Variants in CEL observed in about 807,000 individuals in gnomAD.
CEL encodes carboxyl ester lipase, also known as bile salt-activated lipase.
Under a neutral mutation model 57.1 loss-of-function variants are expected in CEL, and 39 were observed. The ratio of observed to expected loss-of-function variants is 0.68; its 90% CI spans 0.53 to 0.89. The LOEUF is 0.89. CEL is among the 40% of genes least tolerant of loss of function. The pLI is 0.00. For missense variants in CEL, 698 were observed against 915.0 expected (o/e 0.76, Z 3.06); for synonymous variants, 314 against 396.6 (o/e 0.79, Z 2.48).
chr9:133,071,789 AGGCCACAAGAGTGGGACCCCAGG>A lies in CEL; in HGVS notation c.*29_*51del, dbSNP rs770939818. On this transcript the variant is annotated 3_prime_UTR_variant, in exon 11 of 11. Coordinates refer to ENST00000372080, the MANE Select transcript of CEL (RefSeq NM_001807.6). ...GCGTCCCATGAGCCTTGGTATCAAG[AGGCCACAAGAGTGGGACCCCAGG>A]GGCTCCCCTCCCATCTTGAGCTCTT... The A allele has an allele frequency of 1.6e-5, 25 of 1,606,694 alleles. No homozygotes were observed. The African/African-American group carries it at 2.5e-4, about 16-fold the overall frequency.
At chr9:133,067,038 A>G in intron 6 of CEL, 50 bp from the exon 7 acceptor site, 4 of 1,610,190 alleles carry the variant, frequency 2.5e-6, no homozygotes, top group Non-Finnish European at 2.5e-6. Context: ...AATGGTTCTG[A>G]GCCCTGAGCT....
chr9:133,064,084 G>A (rs1830135990), intron 1 of CEL, among the ~76,000 whole-genome samples: 1 of 152,214 alleles, frequency 6.6e-6, no homozygotes, highest in South Asian at 2.1e-4. Flanking sequence ...CTGAGGATCG[G>A]AGTCAAAGCT....
In CEL at chr9:133,071,191, A is replaced by C; in HGVS notation, c.1689A>C (p.Thr563=). Residue 563 remains threonine, a synonymous_variant, in exon 11 of 11, where the codon ACA becomes ACC. Coordinates refer to ENST00000372080, the MANE Select transcript of CEL (RefSeq NM_001807.6). ...TDQEATPVPP[T]GDSEATPVPP... ...AGGAGGCCACCCCTGTGCCCCCCACAGGGGACTCCGAGGCCACTCCCGTGC... is the reference window on the plus strand; with the variant it reads ...AGGAGGCCACCCCTGTGCCCCCCACCGGGGACTCCGAGGCCACTCCCGTGC... The C allele has an allele frequency of 1.2e-6, 2 of 1,601,486 alleles. No individual in the cohort carries two copies. The highest frequency in any genetic ancestry group is 8.5e-7 in the Non-Finnish European group (1 of 1,176,840).
Position 133,065,157 on chromosome 9 carries a change from G to A in CEL, c.458G>A (p.Arg153His), listed in dbSNP as rs765232449. Residue 153 changes from arginine to histidine, a missense_variant, in exon 4 of 11, where the codon CGC becomes CAC. Around this residue, in one of 6 missense-constraint regions of CEL, gnomAD observed 327 missense variants for 374.1 expected, o/e 0.87. Coordinates refer to ENST00000372080, the MANE Select transcript of CEL (RefSeq NM_001807.6). ...TATGACGGCGAGGAGATCGCCACAC[G>A]CGGAAACGTCATCGTGGTCACCTTC... Reference protein sequence around the residue: ...YLYDGEEIATRGNVIVVTFNY... With the variant: ...YLYDGEEIATHGNVIVVTFNY... 22 of 1,613,810 alleles carry A rather than the reference G, an allele frequency of 1.4e-5. No individual in the cohort carries two copies. Among genetic ancestry groups the A allele is most frequent in the South Asian group, 7.7e-5 (7 of 91,094 alleles).
chr9:133,066,409 G>A lies in CEL; in HGVS notation c.539-121G>A. ...TAGGGACCCACCATTTGCCAACTGG[G>A]GCTCTGCCATGGCCCCAACTCTGTT... is the stretch of plus-strand genomic sequence containing the variant. On this transcript the variant is annotated intron_variant, in intron 4 of 10. Coordinates refer to ENST00000372080, the MANE Select transcript of CEL (RefSeq NM_001807.6). The surrounding 1 kb of genome is among the most constrained non-coding windows in gnomAD (Gnocchi z 4.3). 1 of 1,302,326 alleles carries A rather than the reference G, an allele frequency of 7.7e-7. No individual in the cohort carries two copies. Among genetic ancestry groups the A allele is most frequent in the Non-Finnish European group, 1.1e-6 (1 of 921,436 alleles). The allele number at this position is 1,302,326 out of a possible 1,614,324, so 80.7% of individuals were successfully genotyped here.
At position 133,070,539 on chromosome 9, in the gene CEL, T is replaced by C. The variant is rs746560810; in HGVS notation, c.1365T>C (p.His455=). 5 of 1,614,084 alleles carry C rather than the reference T, an allele frequency of 3.1e-6. No homozygotes were observed. Among genetic ancestry groups the C allele is most frequent in the Middle Eastern group, 1.6e-4 (1 of 6,062 alleles). Residue 455 remains histidine, a synonymous_variant, in exon 10 of 11, where the codon CAT becomes CAC. Transcript: ENST00000372080. ...ACCCCAAATGGGTGGGGGCCGACCA[T>C]GCAGATGACATTCAGTACGTTTTCG... ...PVYPKWVGAD[H]ADDIQYVFGK...
rs1490842262 is a variant in CEL at position 133,064,254 on chromosome 9, A to G, written c.67-150A>G. 1.8e-5 allele frequency: 17 copies of G among 950,352 alleles called. 1 individual carries two copies. Among genetic ancestry groups the G allele is most frequent in the Non-Finnish European group, 2.6e-5 (16 of 619,858 alleles). The allele number at this position is 950,352 out of a possible 1,614,324, so 58.9% of individuals were successfully genotyped here. Reference sequence around the variant, plus strand: ...CCTAAAGCCCTGAGCATTGCAGGGCAGGGGGTGCTGCCTGGGTCTCCTGTG... The same window carrying G: ...CCTAAAGCCCTGAGCATTGCAGGGCGGGGGGTGCTGCCTGGGTCTCCTGTG... On this transcript the variant is annotated intron_variant, in intron 1 of 10. Transcript: ENST00000372080.
At chr9:133,067,669 G>A (rs1292890587) in intron 7 of CEL, among the ~76,000 whole-genome samples, 4 of 152,038 alleles carry the variant, frequency 2.6e-5, no homozygotes, top group Admixed American at 6.5e-5. Context: ...CACTGTGCCC[G>A]GCCCCTTCTT....
intron 3 of CEL, 29 bp from the exon 4 acceptor site, chr9:133,065,011 T>A (rs767902862): frequency 8.1e-6 from 13 of 1,600,966 alleles, no homozygotes; most frequent in Non-Finnish European, 9.4e-6. Flanking sequence ...GCGGGGCGTC[T>A]GGGGTCACCA....
rs1347023184 is a variant in CEL, at chr9:133,071,271, C to G, written c.1769C>G (p.Ala590Gly). 1.4e-6 allele frequency: 2 copies of G among 1,475,072 alleles called. No individual in the cohort carries two copies. Among genetic ancestry groups the G allele is most frequent in the South Asian group, 1.2e-5 (1 of 82,376 alleles). 91.4% of individuals were successfully genotyped at this position (1,475,072 alleles called of 1,614,324 possible). Residue 590 changes from alanine to glycine, a missense_variant, in exon 11 of 11, where the codon GCC becomes GGC. Physicochemically the swap from Ala to Gly is moderately conservative, Grantham distance 60. This residue lies in a region of CEL where 238 missense variants were observed against 213.7 expected (regional missense o/e 1.11). Transcript: ENST00000372080. Reference protein sequence around the residue: ...APVPPTGDSGAPPVPPTGDSG... With the variant: ...APVPPTGDSGGPPVPPTGDSG... The stretch of plus-strand genomic sequence containing the variant: ...GTGCCGCCCACGGGTGACTCCGGGG[C>G]CCCCCCCGTGCCGCCCACGGGTGAC...
chr9:133,070,364 C>G, intron 9 of CEL, 97 bp from the exon 10 acceptor site: 1 of 1,004,160 alleles, frequency 1.0e-6, no homozygotes, highest in Non-Finnish European at 1.5e-6. Context: ...CCAGACACTT[C>G]CCTGCCCACT....
chr9:133,064,058 C>T (rs1446447423), intron 1 of CEL, among the ~76,000 whole-genome samples: 4 of 152,332 alleles, frequency 2.6e-5, no homozygotes, highest in Middle Eastern at 6.8e-3. Context: ...TGTTGCTCGT[C>T]TTCCACATGG....
Position 133,071,800 on chromosome 9 carries a change from G to A in CEL, c.*36G>A, listed in dbSNP as rs1218482976. 3 of 1,593,576 alleles carry A rather than the reference G, an allele frequency of 1.9e-6. No homozygotes were observed. Among genetic ancestry groups the A allele is most frequent in the Middle Eastern group, 1.7e-4 (1 of 6,024 alleles). ...GCCTTGGTATCAAGAGGCCACAAGAGTGGGACCCCAGGGGCTCCCCTCCCA... is the reference window on the plus strand; with the variant it reads ...GCCTTGGTATCAAGAGGCCACAAGAATGGGACCCCAGGGGCTCCCCTCCCA... On this transcript the variant is annotated 3_prime_UTR_variant, in exon 11 of 11. Transcript: ENST00000372080.
At position 133,070,947 on chromosome 9, in the gene CEL, G is replaced by C. The variant is rs771070056; in HGVS notation, c.1485-40G>C. On this transcript the variant is annotated intron_variant, in intron 10 of 10. Transcript: ENST00000372080. ...TGGAGAGCAGGGCTTCAGCCCCCTGGGAGTCCCCAGCCCCTGCACAGCCTC... is the reference window on the plus strand; with the variant it reads ...TGGAGAGCAGGGCTTCAGCCCCCTGCGAGTCCCCAGCCCCTGCACAGCCTC... The C allele has an allele frequency of 5.9e-5, 95 of 1,608,212 alleles. 3 individuals are homozygous for C. The South Asian group carries it at 1.0e-3, about 17-fold the overall frequency.
At chr9:133,064,969 A>G (rs1830151837) in intron 3 of CEL, 71 bp from the exon 4 acceptor site, 4 of 1,592,908 alleles carry the variant, frequency 2.5e-6, no homozygotes, top group Non-Finnish European at 3.4e-6. Context: ...CCTGCTGCAC[A>G]GGGACAGGGG....
At chr9:133,065,290 C>T (rs1039219826) in intron 4 of CEL, 53 bp downstream of exon 4, 1 of 1,593,516 alleles carries the variant, frequency 6.3e-7, no homozygotes, top group African/African-American at 1.3e-5. Flanking sequence ...CTGAGCCCAG[C>T]AGGGAGATTT....
At chr9:133,062,186 G>A (rs375927797) in intron 1 of CEL, 118 bp downstream of exon 1, 19 of 1,279,486 alleles carry the variant, frequency 1.5e-5, no homozygotes, top group East Asian at 7.7e-5. Flanking sequence ...GGGCACTCAC[G>A]CTCATTTCTA....
intron 10 of CEL, 87 bp downstream of exon 10, chr9:133,070,745 A>G: frequency 6.3e-7 from 1 of 1,576,284 alleles, no homozygotes. Context: ...TTGCCAGTGG[A>G]GGGACTTTGG....
Position 133,071,005 on chromosome 9 carries a change from C to T in CEL, c.1503C>T (p.Asp501=), listed in dbSNP as rs771924379. 6.8e-6 allele frequency: 11 copies of T among 1,613,590 alleles called. No homozygotes were observed. Among genetic ancestry groups the T allele is most frequent in the South Asian group, 2.2e-5 (2 of 91,084 alleles). ...TCTGCAGGGACCCCAACATGGGCGA[C>T]TCGGCTGTGCCCACACACTGGGAAC... ...FAKTGDPNMG[D]SAVPTHWEPY... The change falls in exon 11 of 11, where the codon GAC becomes GAT. Residue 501 remains aspartate (D), a synonymous_variant. Coordinates refer to ENST00000372080, the MANE Select transcript of CEL (RefSeq NM_001807.6).
Sources: gnomAD v4.1 joint callset for allele counts (sites outside exome capture counted in the v4.1 genomes callset) on GRCh38, gnomAD v4.1.1 for gene constraint, gnomAD v4.1.1 regional missense constraint, Gnocchi (gnomAD v3.1) non-coding constraint, MANE v1.5 for transcripts, NCBI Gene and HGNC (gene_info 2026-07-23, HGNC 2026-07-21) for gene names.